Variants in SRGAP1 observed in about 807,000 individuals in gnomAD.
SRGAP1 encodes SLIT-ROBO Rho GTPase activating protein 1.
Under a neutral mutation model 121.9 loss-of-function variants are expected in SRGAP1, and 43 were observed. The observed-to-expected ratio is 0.35, with a 90% CI of 0.28 to 0.46. The LOEUF is 0.46. Among genes scored for constraint, SRGAP1 ranks in the 20% least tolerant of loss-of-function variants. SRGAP1 has a pLI of 1.00. For missense variants in SRGAP1, 1,102 were observed against 1,350.9 expected (o/e 0.82, Z 2.89); for synonymous variants, 447 against 485.4 (o/e 0.92, Z 1.04).
Position 64,042,830 on chromosome 12 carries a change from G to C in SRGAP1, c.530G>C (p.Ser177Thr). The C allele has an allele frequency of 6.2e-7, 1 of 1,613,952 alleles. No homozygotes were observed. Among genetic ancestry groups the C allele is most frequent in the South Asian group, 1.1e-5 (1 of 91,076 alleles). The change falls in exon 5 of 22, where the codon AGT becomes ACT. Residue 177 changes from serine (S) to threonine (T), a missense_variant. By Grantham distance (58) the Ser-to-Thr change is moderately conservative. Around this residue, in one of 3 missense-constraint regions of SRGAP1, gnomAD observed 747 missense variants for 929.4 expected, o/e 0.80. Transcript: ENST00000355086. The part of the protein sequence containing the change: ...TYHMYHAESI[S>T]AESKLKEAEK... ...CATATGTATCATGCAGAGAGCATCA[G>C]TGCAGAGAGCAAGCTGAAAGAGGCC... is the stretch of plus-strand genomic sequence containing the variant.
intron 1 of SRGAP1, among the ~76,000 whole-genome samples, chr12:63,910,603 T>A (rs1411239975): frequency 6.6e-6 from 1 of 152,178 alleles, no homozygotes; most frequent in African/African-American, 2.4e-5. Flanking sequence ...AAAGTCATGG[T>A]ACTTTAGAGG....
At chr12:63,943,459 C>A (rs945179128) in intron 1 of SRGAP1, among the ~76,000 whole-genome samples, 1 of 152,154 alleles carries the variant, frequency 6.6e-6, no homozygotes, top group Admixed American at 6.5e-5. Flanking sequence ...CTTACTGGTA[C>A]TGTTAATTAT....
In SRGAP1 at chr12:64,152,723, T is replaced by G. The variant is rs1265272013; in HGVS notation, c.*10051T>G. On this transcript the variant is annotated 3_prime_UTR_variant, in exon 22 of 22. Transcript: ENST00000355086. ...TCATCCTGACAACTGCCTGTTGAAA[T>G]TATATTCATCATTCCAAACCCAACA... 1.3e-5 allele frequency: 2 copies of G among 152,064 alleles called. No homozygotes were observed. The highest frequency in any genetic ancestry group is 6.6e-5 in the Admixed American group (1 of 15,266). The allele number at this position is 152,064 out of a possible 1,614,324, so 9.4% of individuals were successfully genotyped here.
chr12:64,063,452 G>T (rs1044832918), intron 7 of SRGAP1, among the ~76,000 whole-genome samples: 3 of 152,240 alleles, frequency 2.0e-5, no homozygotes, highest in Non-Finnish European at 4.4e-5. Context: ...TGGTCTGATA[G>T]AATCTGTCTG....
intron 6 of SRGAP1, among the ~76,000 whole-genome samples, chr12:64,060,207 T>TC (rs1480058157): frequency 1.4e-5 from 2 of 145,310 alleles, no homozygotes; most frequent in Non-Finnish European, 3.0e-5. Context: ...CTTTTTTTCT[T>TC]TTTTTTTTTT....
At chr12:63,855,634 T>A (rs377469934) in intron 1 of SRGAP1, among the ~76,000 whole-genome samples, 74 of 151,702 alleles carry the variant, frequency 4.9e-4, no homozygotes, top group African/African-American at 1.7e-3. Flanking sequence ...ACTACAGGCG[T>A]GCACCACCAC....
rs1440785578 is a variant in SRGAP1, at chr12:64,149,513, C to T, written c.*6841C>T. ...GGAAAGACTCCACCATCCTGCTACC[C>T]TCAAATCTTAAGCTCCTCAGCCTGC... On this transcript the variant is annotated 3_prime_UTR_variant, in exon 22 of 22. Coordinates refer to ENST00000355086, the MANE Select transcript of SRGAP1 (RefSeq NM_020762.4). 2 of 152,196 alleles carry T rather than the reference C, an allele frequency of 1.3e-5. No homozygotes were observed. Among genetic ancestry groups the T allele is most frequent in the African/African-American group, 4.8e-5 (2 of 41,428 alleles). 9.4% of individuals were successfully genotyped at this position (152,196 alleles called of 1,614,324 possible). A position where few individuals can be genotyped will look rare whatever the true frequency, so the allele number is the denominator to read the frequency against.
chr12:63,848,495 G>A (rs937426182), intron 1 of SRGAP1, among the ~76,000 whole-genome samples: 3 of 151,736 alleles, frequency 2.0e-5, no homozygotes, highest in Non-Finnish European at 2.9e-5. Context: ...TCTGGGTTTC[G>A]GTTTTCTTAT....
chr12:64,058,554 C>T (rs2035386494), intron 6 of SRGAP1, among the ~76,000 whole-genome samples: 1 of 152,140 alleles, frequency 6.6e-6, no homozygotes, highest in Non-Finnish European at 1.5e-5. Context: ...CTTTTCTTCT[C>T]CAATTTTAAT....
chr12:63,922,695 C>T (rs1391441448), intron 1 of SRGAP1, among the ~76,000 whole-genome samples: 1 of 152,214 alleles, frequency 6.6e-6, no homozygotes, highest in Admixed American at 6.5e-5. Context: ...TCCTGCAATA[C>T]CCTGCAATAT....
At chr12:64,095,986 C>T (rs761425917) in intron 14 of SRGAP1, among the ~76,000 whole-genome samples, 6 of 152,120 alleles carry the variant, frequency 3.9e-5, no homozygotes, top group South Asian at 2.1e-4. Flanking sequence ...TCATGTGATA[C>T]GGGTCAAGTC....
rs113944124 is a variant in SRGAP1, at chr12:64,007,650, T to C, written c.427-9300T>C. Among the ~76,000 whole-genome samples the C allele has an allele frequency of 2.6e-3, 401 of 152,228 alleles. 5 individuals carry two copies. Among genetic ancestry groups the C allele is most frequent in the African/African-American group, 9.0e-3 (373 of 41,520 alleles). On this transcript the variant is annotated intron_variant, in intron 3 of 21. Coordinates refer to ENST00000355086, the MANE Select transcript of SRGAP1 (RefSeq NM_020762.4). ...GGACTCAATATTTGAAGACCTGTCA[T>C]ACAGAAGATGGTATCAGCATACCTA... is the stretch of plus-strand genomic sequence containing the variant.
At chr12:63,982,040 C>G (rs1039475901) in intron 1 of SRGAP1, among the ~76,000 whole-genome samples, 1 of 151,852 alleles carries the variant, frequency 6.6e-6, no homozygotes, top group African/African-American at 2.4e-5. Context: ...AGTGAAACCC[C>G]GTCTCTACTA....
intron 3 of SRGAP1, among the ~76,000 whole-genome samples, chr12:63,993,258 A>G (rs2033605447): frequency 6.6e-6 from 1 of 152,026 alleles, no homozygotes; most frequent in Admixed American, 6.6e-5. Context: ...AATTTTTACA[A>G]TTAGAACTTG....
chr12:64,092,202 T>C (rs1387634188), intron 12 of SRGAP1, among the ~76,000 whole-genome samples: 1 of 152,146 alleles, frequency 6.6e-6, no homozygotes, highest in Non-Finnish European at 1.5e-5. Context: ...CAATGTTAAA[T>C]ACCAAATACA....
chr12:64,131,903 G>A lies in SRGAP1; in HGVS notation c.2880+3703G>A, dbSNP rs186659030. 1.1e-4 allele frequency among the ~76,000 whole-genome samples: 16 copies of A among 152,296 alleles called. 1 individual carries two copies. Among genetic ancestry groups the A allele is most frequent in the Admixed American group, 9.1e-4 (14 of 15,302 alleles). On this transcript the variant is annotated intron_variant, in intron 21 of 21. Coordinates refer to ENST00000355086, the MANE Select transcript of SRGAP1 (RefSeq NM_020762.4). ...TCAAAAGGAGAGTAGTTGGCCAGGCGCAGTGGCTCATGCCTGTAATCCCAG... is the reference window on the plus strand; with the variant it reads ...TCAAAAGGAGAGTAGTTGGCCAGGCACAGTGGCTCATGCCTGTAATCCCAG...
chr12:64,061,497 C>A (rs540293942), intron 6 of SRGAP1, among the ~76,000 whole-genome samples: 1 of 152,184 alleles, frequency 6.6e-6, no homozygotes, highest in South Asian at 2.1e-4. Flanking sequence ...TCATTCTTTT[C>A]TTTTGGTATT....
At chr12:63,880,328 T>C (rs925900370) in intron 1 of SRGAP1, among the ~76,000 whole-genome samples, 2 of 152,028 alleles carry the variant, frequency 1.3e-5, no homozygotes, top group African/African-American at 4.8e-5. Flanking sequence ...GCCTCCTGGG[T>C]TCAAGTGATT....
intron 1 of SRGAP1, among the ~76,000 whole-genome samples, chr12:63,940,001 G>T (rs539185535): frequency 1.3e-5 from 2 of 149,848 alleles, no homozygotes; most frequent in Non-Finnish European, 3.0e-5. Context: ...TCTCTCTGTC[G>T]CCCAGGCTGG....
Sources: allele counts gnomAD v4.1 joint callset (sites outside exome capture counted in the v4.1 genomes callset), GRCh38; gene constraint gnomAD v4.1.1; regional missense constraint gnomAD v4.1.1; transcripts MANE v1.5; gene names NCBI Gene and HGNC (gene_info 2026-07-23, HGNC 2026-07-21).